RABGAP1: variants seen among roughly 807,000 people sequenced by gnomAD.
The protein encoded by RABGAP1 is RAB GTPase activating protein 1.
In RABGAP1, 23 loss-of-function variants were observed where a neutral mutation model predicts 137.6. The ratio of observed to expected loss-of-function variants is 0.17; its 90% confidence interval spans 0.12 to 0.24. RABGAP1 has a LOEUF of 0.24. Among genes scored for constraint, RABGAP1 ranks in the 10% least tolerant of loss-of-function variants. The pLI, the probability that RABGAP1 is intolerant of heterozygous loss-of-function variation, is 1.00. For synonymous variants in RABGAP1, 451 were observed against 450.7 expected (o/e 1.00, Z -0.01); for missense variants, 906 against 1,275.8 (o/e 0.71, Z 4.42).
At chr9:122,942,563 G>C (rs138108332) in intron 1 of RABGAP1, among the ~76,000 whole-genome samples, 2,382 of 150,686 alleles carry the variant, frequency 0.016, 35 homozygotes, top group South Asian at 0.066. Context: ...CCAGCTAATC[G>C]GGAGGCTGAG....
At chr9:123,003,883 T>G (rs913707051) in intron 10 of RABGAP1, among the ~76,000 whole-genome samples, 2 of 152,256 alleles carry the variant, frequency 1.3e-5, no homozygotes, top group African/African-American at 4.8e-5. Context: ...TAATGTCATT[T>G]TTATTGCCAA....
intron 6 of RABGAP1, among the ~76,000 whole-genome samples, chr9:122,994,344 A>C (rs1406143451): frequency 1.3e-5 from 2 of 152,172 alleles, no homozygotes; most frequent in Non-Finnish European, 2.9e-5. Flanking sequence ...ATGGGATTAT[A>C]TTTACTTGAG....
At position 122,984,695 on chromosome 9, in the gene RABGAP1, C is replaced by T. The variant is rs746381207; in HGVS notation, c.361C>T (p.Leu121=). 1.2e-6 allele frequency: 2 copies of T among 1,613,932 alleles called. No homozygotes were observed. The highest frequency in any genetic ancestry group is 8.5e-7 in the Non-Finnish European group (1 of 1,179,932). The part of the protein sequence containing the change: ...LVGLQKPEMS[L]PVKPGQGDSE... ...AGGGCTCCAAAAACCAGAGATGAGC[C>T]TACCAGTGAAACCTGGACAAGGAGG... Residue 121 remains leucine, a synonymous_variant, in exon 3 of 26, where the codon CTA becomes TTA. Coordinates refer to ENST00000373647, the MANE Select transcript of RABGAP1 (RefSeq NM_012197.4).
chr9:122,973,427 G>A (rs1195402657), intron 2 of RABGAP1, among the ~76,000 whole-genome samples: 1 of 151,874 alleles, frequency 6.6e-6, no homozygotes, highest in Admixed American at 6.6e-5. Flanking sequence ...TAGTAGAGAT[G>A]GGGTTTCACC....
intron 13 of RABGAP1, chr9:123,035,196 C>T (rs751349991): frequency 3.1e-6 from 5 of 1,614,154 alleles, no homozygotes; most frequent in Non-Finnish European, 4.2e-6. Context: ...TCTGCTTCAC[C>T]TATTTCAACA....
chr9:122,933,338 CTT>C, the RABGAP1 span, among the ~76,000 whole-genome samples: 1 of 151,798 alleles, frequency 6.6e-6, no homozygotes, highest in Non-Finnish European at 1.5e-5. Flanking sequence ...GTCTTTGTCT[CTT>C]ATAACCTTTT....
At position 123,042,747 on chromosome 9, in the gene RABGAP1, G is replaced by T. The variant is rs1295483714; in HGVS notation, c.1794+22288G>T. Among the ~76,000 whole-genome samples the T allele has an allele frequency of 2.6e-5, 4 of 152,038 alleles. No homozygotes were observed. In the East Asian group the frequency reaches 5.8e-4, roughly 22 times the overall value. On this transcript the variant is annotated intron_variant, in intron 13 of 25. Coordinates refer to ENST00000373647, the MANE Select transcript of RABGAP1 (RefSeq NM_012197.4). ...CAGAATCTTCAGAAACAGAATAGAG[G>T]AAAAGAAAGGAAGAAATTAATAAAT...
chr9:123,051,744 A>G (rs2033483746), intron 13 of RABGAP1, among the ~76,000 whole-genome samples: 1 of 9,664 alleles, frequency 1.0e-4, no homozygotes, highest in Admixed American at 1.3e-3. Context: ...GAGAAAAGCT[A>G]TTTTATTTTA....
chr9:123,082,005 C>G (rs1195534951), intron 19 of RABGAP1, among the ~76,000 whole-genome samples: 1 of 151,492 alleles, frequency 6.6e-6, no homozygotes, highest in Admixed American at 6.6e-5. Context: ...GTGGCAGTAT[C>G]TGAAATGGCC....
chr9:122,986,186 A>G (rs780749269), intron 3 of RABGAP1, 29 bp from the exon 4 acceptor site: 3 of 1,584,904 alleles, frequency 1.9e-6, no homozygotes, highest in Admixed American at 1.7e-5. Flanking sequence ...AGTGAAAGTA[A>G]TCACTTCCTT....
At chr9:123,049,740 A>G (rs2033376079) in intron 13 of RABGAP1, among the ~76,000 whole-genome samples, 1 of 152,238 alleles carries the variant, frequency 6.6e-6, no homozygotes, top group East Asian at 1.9e-4. Context: ...TGCCAAATAC[A>G]GATTTTGTCC....
At chr9:122,942,515 C>T (rs1233455431) in intron 1 of RABGAP1, among the ~76,000 whole-genome samples, 2 of 151,884 alleles carry the variant, frequency 1.3e-5, no homozygotes, top group South Asian at 2.1e-4. Context: ...ACTGAAAATA[C>T]AAAAATTAGA....
At chr9:123,042,264 A>G (rs1359561703) in intron 13 of RABGAP1, among the ~76,000 whole-genome samples, 1 of 152,228 alleles carries the variant, frequency 6.6e-6, no homozygotes, top group Non-Finnish European at 1.5e-5. Context: ...GGTGATGCCC[A>G]TCAATCAACA....
chr9:122,998,634 A>G lies in RABGAP1; in HGVS notation c.1242A>G (p.Val414=). The G allele has an allele frequency of 1.2e-6, 2 of 1,610,290 alleles. No homozygotes were observed. Among genetic ancestry groups the G allele is most frequent in the Non-Finnish European group, 1.7e-6 (2 of 1,177,188 alleles). Residue 414 remains valine (V), a synonymous_variant, in exon 10 of 26, where the codon GTA becomes GTG. Transcript: ENST00000373647. ...TTATGACCACAGCTGTAGATTTGGT[A>G]ATAACAGAAGTACAGGAGCCTGTTC... The part of the protein sequence containing the change: ...VLFMTTAVDL[V]ITEVQEPVRF...
chr9:123,085,329 C>A (rs185630824), intron 19 of RABGAP1, among the ~76,000 whole-genome samples: 1 of 152,268 alleles, frequency 6.6e-6, no homozygotes, highest in African/African-American at 2.4e-5. Context: ...AAGTTGGCTT[C>A]TGTGCATTCT....
intron 13 of RABGAP1, among the ~76,000 whole-genome samples, chr9:123,050,091 A>C (rs1431641839): frequency 6.6e-6 from 1 of 152,184 alleles, no homozygotes; most frequent in Non-Finnish European, 1.5e-5. Flanking sequence ...TCTTTGTCAA[A>C]AGTCCAACTC....
chr9:122,997,930 GATAA>G (rs1837119618), intron 9 of RABGAP1, among the ~76,000 whole-genome samples: 1 of 152,038 alleles, frequency 6.6e-6, no homozygotes, highest in African/African-American at 2.4e-5. Flanking sequence ...TAGCACTATA[GATAA>G]ATAGTTAAAG....
At chr9:122,993,076 T>C (rs1170226077) in intron 6 of RABGAP1, among the ~76,000 whole-genome samples, 1 of 151,922 alleles carries the variant, frequency 6.6e-6, no homozygotes, top group African/African-American at 2.4e-5. Flanking sequence ...TAATAGCAAA[T>C]TTTAAAAGTA....
chr9:123,020,509 G>A (rs2031557590), intron 13 of RABGAP1, 50 bp downstream of exon 13: 4 of 1,399,500 alleles, frequency 2.9e-6, no homozygotes, highest in African/African-American at 2.9e-5. Flanking sequence ...AGAGATTTGT[G>A]ATGAAAAGAT....
Sources: allele counts gnomAD v4.1 joint callset (sites outside exome capture counted in the v4.1 genomes callset), GRCh38; gene constraint gnomAD v4.1.1; transcripts MANE v1.5; gene names NCBI Gene and HGNC (gene_info 2026-07-23, HGNC 2026-07-21).